PRELID2: variants seen among roughly 807,000 people sequenced by gnomAD.
The protein encoded by PRELID2 is PRELI domain-containing protein 2.
PRELID2 carries 25 observed loss-of-function variants against 28.4 expected under a neutral mutation model. That is an observed-to-expected ratio of 0.88 (90% confidence interval 0.64 to 1.23). The LOEUF is 1.23. PRELID2 is among the 50% of genes most tolerant of loss of function. PRELID2 has a pLI of 0.00. For synonymous variants in PRELID2, 76 were observed against 71.6 expected (o/e 1.06, Z -0.31); for missense variants, 201 against 214.4 (o/e 0.94, Z 0.39).
At chr5:145,791,839 G>A (rs961626097) in intron 5 of PRELID2, among the ~76,000 whole-genome samples, 2 of 152,180 alleles carry the variant, frequency 1.3e-5, no homozygotes, top group African/African-American at 4.8e-5. Flanking sequence ...CAGAAAAGCA[G>A]AAAAGAGGAT....
chr5:145,623,208 T>C lies in PRELID2; in HGVS notation n.70+141723A>G, dbSNP rs1475924734. Among the ~76,000 whole-genome samples the C allele has an allele frequency of 3.3e-5, 5 of 151,424 alleles. No individual in the cohort carries two copies. The East Asian group carries it at 9.7e-4, about 29-fold the overall frequency. ...GCTCATGCCTGTAATCCCAGCACTTTGGGAGGCCACAGTGGGCAGATCATG... is the reference window on the plus strand; with the variant it reads ...GCTCATGCCTGTAATCCCAGCACTTCGGGAGGCCACAGTGGGCAGATCATG... On this transcript the variant is annotated intron_variant and non_coding_transcript_variant, in intron 1 of 2. Coordinates refer to the PRELID2 transcript ENST00000510259.
At chr5:145,417,819 C>A in the PRELID2 span, among the ~76,000 whole-genome samples, 1 of 152,146 alleles carries the variant, frequency 6.6e-6, no homozygotes, top group African/African-American at 2.4e-5. Flanking sequence ...TGGAGGCATT[C>A]CTCTTGAAAA....
the PRELID2 span, among the ~76,000 whole-genome samples, chr5:145,342,489 T>C: frequency 6.6e-6 from 1 of 152,254 alleles, no homozygotes; most frequent in African/African-American, 2.4e-5. Flanking sequence ...CATATGTCAA[T>C]AATAATCTTG....
At chr5:145,386,368 G>C in the PRELID2 span, among the ~76,000 whole-genome samples, 3 of 152,094 alleles carry the variant, frequency 2.0e-5, no homozygotes, top group Non-Finnish European at 4.4e-5. Context: ...TACGGATGAA[G>C]ACACAGCCAA....
the PRELID2 span, among the ~76,000 whole-genome samples, chr5:145,402,950 G>C: frequency 1.3e-5 from 2 of 152,174 alleles, no homozygotes; most frequent in Non-Finnish European, 2.9e-5. Flanking sequence ...TTTTGTCAAA[G>C]GGAAATTAGA....
rs1258238256 is a variant in PRELID2 at position 145,519,626 on chromosome 5, A to G, written n.71-46311T>C. ...TTTTAGAGATTCACTGTCATGATAAACCAATTGAGTAGGAGCTCTTTTTAT... is the reference window on the plus strand; with the variant it reads ...TTTTAGAGATTCACTGTCATGATAAGCCAATTGAGTAGGAGCTCTTTTTAT... On this transcript the variant is annotated intron_variant and non_coding_transcript_variant, in intron 1 of 2. Transcript: ENST00000510259. Among the ~76,000 whole-genome samples the G allele has an allele frequency of 2.0e-5, 3 of 152,170 alleles. No homozygotes were observed. In the East Asian group the frequency reaches 5.8e-4, roughly 29 times the overall value.
At chr5:145,548,143 T>C (rs1752803514) in intron 1 of PRELID2, among the ~76,000 whole-genome samples, 1 of 152,214 alleles carries the variant, frequency 6.6e-6, no homozygotes, top group Non-Finnish European at 1.5e-5. Context: ...CCACAGAAGA[T>C]CTAAAATCAC....
intron 5 of PRELID2, among the ~76,000 whole-genome samples, chr5:145,786,870 C>T (rs1344104969): frequency 6.6e-6 from 1 of 152,188 alleles, no homozygotes; most frequent in African/African-American, 2.4e-5. Flanking sequence ...AACAAGCATA[C>T]ACCCCAAGGA....
chr5:145,369,712 G>C, the PRELID2 span, among the ~76,000 whole-genome samples: 1 of 152,046 alleles, frequency 6.6e-6, no homozygotes. Flanking sequence ...CTTCCACAAT[G>C]GTTGAACTAA....
At chr5:145,693,388 T>C (rs1412261548) in intron 1 of PRELID2, among the ~76,000 whole-genome samples, 2 of 151,910 alleles carry the variant, frequency 1.3e-5, no homozygotes, top group Non-Finnish European at 2.9e-5. Flanking sequence ...GCTCAAGCAA[T>C]CCACCTGCCT....
the PRELID2 span, among the ~76,000 whole-genome samples, chr5:145,465,509 A>G: frequency 6.6e-6 from 1 of 152,160 alleles, no homozygotes; most frequent in African/African-American, 2.4e-5. Flanking sequence ...AATTGAAAGC[A>G]TTAACTCAGG....
At chr5:145,334,333 T>C in the PRELID2 span, among the ~76,000 whole-genome samples, 2 of 152,212 alleles carry the variant, frequency 1.3e-5, no homozygotes, top group Non-Finnish European at 2.9e-5. Flanking sequence ...TTCAATCACA[T>C]AAAAAACTCT....
intron 1 of PRELID2, among the ~76,000 whole-genome samples, chr5:145,743,541 T>C (rs557967689): frequency 5.3e-5 from 8 of 151,716 alleles, no homozygotes; most frequent in Non-Finnish European, 1.0e-4. Context: ...GCAGGATCCA[T>C]GGAGAGCAAG....
chr5:145,693,018 T>G (rs1437892129), intron 1 of PRELID2, among the ~76,000 whole-genome samples: 2 of 152,196 alleles, frequency 1.3e-5, no homozygotes, highest in African/African-American at 4.8e-5. Flanking sequence ...AAGAAATTCA[T>G]GAAGGTACTG....
At chr5:145,341,641 A>C in the PRELID2 span, among the ~76,000 whole-genome samples, 1 of 152,144 alleles carries the variant, frequency 6.6e-6, no homozygotes, top group African/African-American at 2.4e-5. Flanking sequence ...AAAGTCTTCA[A>C]TAATACATAA....
chr5:145,273,171 G>A, the PRELID2 span, among the ~76,000 whole-genome samples: 1 of 152,098 alleles, frequency 6.6e-6, no homozygotes, highest in Admixed American at 6.6e-5. Context: ...ACTCTGGTAG[G>A]GAATGAACTG....
At chr5:145,405,553 A>T in the PRELID2 span, among the ~76,000 whole-genome samples, 1 of 151,920 alleles carries the variant, frequency 6.6e-6, no homozygotes. Context: ...TGTGGGTGCA[A>T]ATTGTAGGAA....
At chr5:145,364,110 T>G in the PRELID2 span, among the ~76,000 whole-genome samples, 1 of 151,912 alleles carries the variant, frequency 6.6e-6, no homozygotes, top group East Asian at 1.9e-4. Context: ...ACTTTTAAAT[T>G]AATGGGTTAT....
At chr5:145,391,146 A>G in the PRELID2 span, among the ~76,000 whole-genome samples, 2 of 152,110 alleles carry the variant, frequency 1.3e-5, no homozygotes, top group Non-Finnish European at 2.9e-5. Context: ...TGAATCTACC[A>G]TTCTGCGGTC....
Sources: allele counts gnomAD v4.1 joint callset (sites outside exome capture counted in the v4.1 genomes callset), GRCh38; gene constraint gnomAD v4.1.1; transcripts MANE v1.5; gene names NCBI Gene and HGNC (gene_info 2026-07-23, HGNC 2026-07-21).